The following KDM4C variants were observed in gnomAD, a reference collection of about 807,000 sequenced individuals.
KDM4C encodes lysine demethylase 4C.
In KDM4C, 81 loss-of-function variants were observed where a neutral mutation model predicts 129.3. That is an observed-to-expected ratio of 0.63 (90% CI 0.52 to 0.75). The LOEUF (loss-of-function observed/expected upper bound fraction) is 0.75. Among genes scored for constraint, KDM4C ranks in the 30% least tolerant of loss-of-function variants. The pLI is 0.00. For synonymous variants in KDM4C, 573 were observed against 456.1 expected, an observed-to-expected ratio of 1.26 and a Z score of -3.26; for missense variants, 1,457 against 1,304.0, an observed-to-expected ratio of 1.12 and a Z score of -1.81.
intron 9 of KDM4C, 91 bp downstream of exon 9, chr9:6,981,209 C>G: frequency 1.0e-6 from 1 of 975,594 alleles, no homozygotes; most frequent in Middle Eastern, 2.3e-4. Flanking sequence ...CTTGCTTTTT[C>G]TATTTATTCA....
chr9:7,072,797 T>TA (rs992988538), intron 17 of KDM4C, among the ~76,000 whole-genome samples: 10 of 152,236 alleles, frequency 6.6e-5, no homozygotes, highest in African/African-American at 2.2e-4. Context: ...TATAAAACCC[T>TA]ATATGTTTTT....
At chr9:6,974,569 G>C (rs1832615950) in intron 8 of KDM4C, among the ~76,000 whole-genome samples, 2 of 152,278 alleles carry the variant, frequency 1.3e-5, no homozygotes, top group African/African-American at 2.4e-5. Flanking sequence ...TGATGGCCAG[G>C]CTGGTCTCAA....
intron 5 of KDM4C, among the ~76,000 whole-genome samples, chr9:6,850,225 T>C (rs1838593961): frequency 1.3e-5 from 2 of 152,210 alleles, no homozygotes; most frequent in African/African-American, 2.4e-5. Context: ...ATCACTGTTA[T>C]TAAGTGATGC....
At position 6,975,782 on chromosome 9, in the gene KDM4C, C is replaced by A. The variant is rs185007223; in HGVS notation, c.922-5143C>A. Among the ~76,000 whole-genome samples, 6 of 152,262 alleles carry A rather than the reference C, an allele frequency of 3.9e-5. No individual in the cohort carries two copies. The East Asian group carries it at 1.2e-3, about 29-fold the overall frequency. On this transcript the variant is annotated intron_variant, in intron 8 of 21. Transcript: ENST00000381309. The stretch of plus-strand genomic sequence containing the variant: ...TCAGGGCCTGTGTGGTGGCTCACAC[C>A]TGTAATCCCACCGCTTTGGGCGAGG...
intron 9 of KDM4C, chr9:6,981,769 T>G (rs1816802233): frequency 5.0e-6 from 1 of 199,302 alleles, no homozygotes; most frequent in Non-Finnish European, 1.2e-5. Flanking sequence ...TTAGGCTACC[T>G]TTTAAGGGTC....
chr9:6,741,617 T>C (rs775830766), intron 1 of KDM4C, among the ~76,000 whole-genome samples: 23 of 152,054 alleles, frequency 1.5e-4, no homozygotes, highest in Middle Eastern at 3.4e-3. Flanking sequence ...TATCTAAGCA[T>C]GTCTTTATTT....
intron 1 of KDM4C, among the ~76,000 whole-genome samples, chr9:6,729,016 C>A (rs1209981284): frequency 6.6e-6 from 1 of 151,058 alleles, no homozygotes; most frequent in African/African-American, 2.4e-5. Flanking sequence ...TCAGCCTGGC[C>A]AAGATGGTGA....
chr9:6,904,288 C>T (rs1026932017), intron 8 of KDM4C, among the ~76,000 whole-genome samples: 1 of 151,986 alleles, frequency 6.6e-6, no homozygotes, highest in Non-Finnish European at 1.5e-5. Context: ...ATATTTATAC[C>T]TATATCTATA....
intron 8 of KDM4C, among the ~76,000 whole-genome samples, chr9:6,953,926 C>G (rs12684647): frequency 0.3 from 46,201 of 152,036 alleles, 7,387 homozygotes; most frequent in South Asian, 0.47. Flanking sequence ...TCCAAAGTCA[C>G]CACATACCTA....
intron 8 of KDM4C, among the ~76,000 whole-genome samples, chr9:6,896,778 C>T (rs1317524481): frequency 3.3e-5 from 5 of 152,098 alleles, no homozygotes; most frequent in Admixed American, 6.6e-5. Context: ...ATTCATCACT[C>T]GTGAGTCATT....
At chr9:6,782,712 G>A (rs1243913853) in intron 1 of KDM4C, among the ~76,000 whole-genome samples, 2 of 152,102 alleles carry the variant, frequency 1.3e-5, no homozygotes, top group African/African-American at 4.8e-5. Context: ...CTAGATTCAT[G>A]GCTCCATACT....
chr9:7,144,041 A>G (rs190404081), intron 19 of KDM4C, among the ~76,000 whole-genome samples: 10 of 151,942 alleles, frequency 6.6e-5, no homozygotes, highest in African/African-American at 2.2e-4. Context: ...ACACATTTCC[A>G]GCTTTGAGGA....
At chr9:6,964,321 T>C (rs1412103026) in intron 8 of KDM4C, among the ~76,000 whole-genome samples, 1 of 150,902 alleles carries the variant, frequency 6.6e-6, no homozygotes, top group Non-Finnish European at 1.5e-5. Context: ...TTCCCACCTA[T>C]GAGTGAGAAC....
chr9:7,111,662 T>C (rs1838331952), intron 18 of KDM4C, among the ~76,000 whole-genome samples: 9 of 152,140 alleles, frequency 5.9e-5, no homozygotes, highest in Admixed American at 5.9e-4. Context: ...TGAGGAAGGC[T>C]GAAGAGTTCA....
At chr9:7,082,092 C>T (rs2031278896) in intron 17 of KDM4C, among the ~76,000 whole-genome samples, 1 of 152,156 alleles carries the variant, frequency 6.6e-6, no homozygotes, top group Non-Finnish European at 1.5e-5. Context: ...CTGAAACCAC[C>T]TTCTCTAGAG....
chr9:6,920,857 C>T (rs1821374819), intron 8 of KDM4C, among the ~76,000 whole-genome samples: 1 of 152,094 alleles, frequency 6.6e-6, no homozygotes, highest in African/African-American at 2.4e-5. Flanking sequence ...AGGAGGAAGT[C>T]AGAGAGGCCT....
At chr9:7,113,249 T>G (rs1477138852) in intron 18 of KDM4C, among the ~76,000 whole-genome samples, 1 of 152,168 alleles carries the variant, frequency 6.6e-6, no homozygotes, top group East Asian at 1.9e-4. Context: ...ATAGAAGGGT[T>G]TTGTTGAGCT....
intron 2 of KDM4C, among the ~76,000 whole-genome samples, chr9:6,803,756 A>AG (rs112315490): frequency 0.52 from 78,499 of 149,536 alleles, 21,571 homozygotes; most frequent in African/African-American, 0.69. Context: ...AAAAAGAAAA[A>AG]AAAAAAAAAA....
intron 18 of KDM4C, among the ~76,000 whole-genome samples, chr9:7,124,469 G>A (rs1839831695): frequency 1.3e-5 from 2 of 152,064 alleles, no homozygotes; most frequent in Non-Finnish European, 2.9e-5. Flanking sequence ...CCTGTAAGAA[G>A]TAGCTGTCAC....
Sources: gnomAD v4.1 joint callset for allele counts (sites outside exome capture counted in the v4.1 genomes callset) on GRCh38, gnomAD v4.1.1 for gene constraint, MANE v1.5 for transcripts, NCBI Gene and HGNC (gene_info 2026-07-23, HGNC 2026-07-21) for gene names.